The following IMPG2 variants were observed in gnomAD, a reference collection of about 807,000 sequenced individuals.
IMPG2 encodes the protein IPM 200.
A neutral mutation model predicts 129.2 loss-of-function variants in IMPG2; 91 were observed. The observed-to-expected ratio is 0.70, with a 90% CI of 0.59 to 0.84. The LOEUF (loss-of-function observed/expected upper bound fraction) is 0.84. Ranked by LOEUF, IMPG2 falls within the 40% of genes least tolerant of loss-of-function variation. The probability of loss-of-function intolerance (pLI) is 0.00; values close to 1 mark genes in which losing one functional copy is unlikely to be tolerated. For synonymous variants in IMPG2, 510 were observed against 517.7 expected, an observed-to-expected ratio of 0.99 and a Z score of 0.20; for missense variants, 1,430 against 1,461.7, an observed-to-expected ratio of 0.98 and a Z score of 0.35.
intron 8 of IMPG2, among the ~76,000 whole-genome samples, chr3:101,268,764 C>T (rs1706747813): frequency 6.6e-6 from 1 of 152,150 alleles, no homozygotes; most frequent in African/African-American, 2.4e-5. Context: ...TCACCTAAAT[C>T]ATGGCATTGA....
At chr3:101,242,963 C>T (rs1706427130) in intron 13 of IMPG2, 56 bp from the exon 14 acceptor site, 1 of 1,402,554 alleles carries the variant, frequency 7.1e-7, no homozygotes, top group Non-Finnish European at 1.0e-6. Context: ...TTGTTCAATA[C>T]ATACCCAAAC....
At chr3:101,277,955 T>G (rs1706855610) in intron 4 of IMPG2, among the ~76,000 whole-genome samples, 1 of 152,156 alleles carries the variant, frequency 6.6e-6, no homozygotes, top group Admixed American at 6.6e-5. Context: ...TCTCTTCAAG[T>G]TGGGCACAGT....
intron 4 of IMPG2, among the ~76,000 whole-genome samples, chr3:101,284,721 C>T (rs1706927515): frequency 6.6e-6 from 1 of 152,178 alleles, no homozygotes; most frequent in African/African-American, 2.4e-5. Context: ...GCTGTGCACA[C>T]AGGATTTCAA....
intron 12 of IMPG2, among the ~76,000 whole-genome samples, chr3:101,245,040 GT>G (rs201778066): frequency 0.024 from 3,543 of 146,352 alleles, 103 homozygotes; most frequent in African/African-American, 0.075. Context: ...TCAAACACTT[GT>G]TTTTTTTTTT....
At chr3:101,266,853 G>A (rs62282873) in intron 9 of IMPG2, among the ~76,000 whole-genome samples, 19,493 of 152,094 alleles carry the variant, frequency 0.13, 1,307 homozygotes, top group Middle Eastern at 0.17. Flanking sequence ...ATTTCTGGAG[G>A]TTAAGCTGGC....
At chr3:101,299,976 C>T (rs1275126172) in intron 3 of IMPG2, among the ~76,000 whole-genome samples, 2 of 152,220 alleles carry the variant, frequency 1.3e-5, no homozygotes, top group Non-Finnish European at 2.9e-5. Flanking sequence ...TCTGGGTTGC[C>T]TAGATTCCTC....
intron 8 of IMPG2, among the ~76,000 whole-genome samples, chr3:101,268,499 T>TAA (rs1706744892): frequency 6.6e-6 from 1 of 152,216 alleles, no homozygotes; most frequent in Non-Finnish European, 1.5e-5. Context: ...ACTAACTAGC[T>TAA]AAACAACACT....
intron 2 of IMPG2, 106 bp from the exon 3 acceptor site, chr3:101,304,418 T>C (rs1307351508): frequency 1.0e-6 from 1 of 994,750 alleles, no homozygotes; most frequent in East Asian, 2.5e-5. Flanking sequence ...TGAAGTGTCC[T>C]TTCTGGAGGG....
chr3:101,267,692 C>A (rs1706734874), intron 8 of IMPG2, among the ~76,000 whole-genome samples, 161 bp from the exon 9 acceptor site: 1 of 151,970 alleles, frequency 6.6e-6, no homozygotes, highest in South Asian at 2.1e-4. Flanking sequence ...AGGAAGTGAG[C>A]AAAGGTGAAA....
chr3:101,306,536 C>T (rs1020658904), intron 2 of IMPG2, among the ~76,000 whole-genome samples: 6 of 151,892 alleles, frequency 4.0e-5, no homozygotes, highest in Non-Finnish European at 8.8e-5. Context: ...CTTAAAACTT[C>T]GAAATGAAAA....
Position 101,243,562 on chromosome 3 carries a change from C to G in IMPG2, c.2769G>C (p.Glu923Asp). The change falls in exon 13 of 19, where the codon GAG becomes GAC. Residue 923 changes from glutamate to aspartate, a missense_variant. Physicochemically the swap from Glu to Asp is conservative, Grantham distance 45. Coordinates refer to ENST00000193391, the MANE Select transcript of IMPG2 (RefSeq NM_016247.4). ...AGAATCTTTGCTCCAGGGCTTTATA[C>G]TCCAAGGAGTTTTTATTAAACAGAT... ...SEDLFNKNSL[E>D]YKALEQRFLE... The G allele has an allele frequency of 6.2e-7, 1 of 1,613,822 alleles. No individual in the cohort carries two copies. Among genetic ancestry groups the G allele is most frequent in the Non-Finnish European group, 8.5e-7 (1 of 1,179,888 alleles).
chr3:101,248,332 C>T (rs1429333429), intron 11 of IMPG2, among the ~76,000 whole-genome samples: 10 of 152,192 alleles, frequency 6.6e-5, no homozygotes, highest in Non-Finnish European at 1.5e-4. Context: ...CCATGTGACA[C>T]GTGCCTTTCA....
At position 101,231,126 on chromosome 3, in the gene IMPG2, A is replaced by T. The variant is rs200306665; in HGVS notation, c.3253T>A (p.Trp1085Arg). The T allele has an allele frequency of 6.2e-7, 1 of 1,614,118 alleles. No homozygotes were observed. The highest frequency in any genetic ancestry group is 8.5e-7 in the Non-Finnish European group (1 of 1,180,000). ...TCACAGTGCTTGCCTCGGTACCACCAGTTCTCACCCACCCGGCACCTGCAA... is the reference window on the plus strand; with the variant it reads ...TCACAGTGCTTGCCTCGGTACCACCTGTTCTCACCCACCCGGCACCTGCAA... ...AICRCRVGEN[W>R]WYRGKHCEEF... Residue 1085 changes from tryptophan to arginine, a missense_variant, in exon 16 of 19, where the codon TGG becomes AGG. Physicochemically the swap from Trp to Arg is moderately radical, Grantham distance 101 (BLOSUM62 -3). Transcript: ENST00000193391.
chr3:101,320,425 C>A lies in IMPG2; in HGVS notation c.-53G>T. The A allele has an allele frequency of 9.0e-7, 1 of 1,106,880 alleles. No individual in the cohort carries two copies. Among genetic ancestry groups the A allele is most frequent in the South Asian group, 1.3e-5 (1 of 78,816 alleles). The allele number at this position is 1,106,880 out of a possible 1,614,324, so 68.6% of individuals were successfully genotyped here. On this transcript the variant is annotated 5_prime_UTR_variant, in exon 1 of 19. Coordinates refer to ENST00000193391, the MANE Select transcript of IMPG2 (RefSeq NM_016247.4). ...AGGACAGAATCCTTAATTGAGTGTC[C>A]AAATCCTTGAAACTTCCAATAACAA...
Position 101,229,458 on chromosome 3 carries a change from A to G in IMPG2, c.3555T>C (p.Ser1185=), listed in dbSNP as rs1193361975. Residue 1185 remains serine, a synonymous_variant, in exon 17 of 19, where the codon TCT becomes TCC. Transcript: ENST00000193391. Reference sequence around the variant, plus strand: ...GCCCACCAATCACGTCTCCGCTAGCAGAGCTGTAGAAGGGATGCTGAGGAT... The same window carrying G: ...GCCCACCAATCACGTCTCCGCTAGCGGAGCTGTAGAAGGGATGCTGAGGAT... ...GPYPQHPFYS[S]ASGDVIGGLS... The G allele has an allele frequency of 2.5e-6, 4 of 1,613,294 alleles. No homozygotes were observed. The East Asian group carries it at 8.9e-5, about 36-fold the overall frequency.
intron 14 of IMPG2, among the ~76,000 whole-genome samples, chr3:101,236,160 C>T (rs556628928): frequency 4.9e-4 from 75 of 152,188 alleles, no homozygotes; most frequent in Non-Finnish European, 1.6e-4. Context: ...TCAAGACTCC[C>T]GTGAGACTGA....
chr3:101,279,818 A>C (rs975583170), intron 4 of IMPG2, among the ~76,000 whole-genome samples: 1 of 152,346 alleles, frequency 6.6e-6, no homozygotes, highest in Middle Eastern at 3.4e-3. Flanking sequence ...TTATTTTAAT[A>C]GTGATAAGTA....
intron 10 of IMPG2, among the ~76,000 whole-genome samples, chr3:101,256,501 A>G (rs1397693505): frequency 6.6e-6 from 1 of 151,942 alleles, no homozygotes; most frequent in South Asian, 2.1e-4. Context: ...TAAATCTACT[A>G]TTCTCTTTCA....
chr3:101,307,143 T>C (rs1030323506), intron 2 of IMPG2, among the ~76,000 whole-genome samples: 2 of 152,176 alleles, frequency 1.3e-5, no homozygotes, highest in African/African-American at 4.8e-5. Context: ...TGAAAAACTG[T>C]TCACCATCAT....
Sources: allele counts gnomAD v4.1 joint callset (sites outside exome capture counted in the v4.1 genomes callset), GRCh38; gene constraint gnomAD v4.1.1; transcripts MANE v1.5; gene names NCBI Gene and HGNC (gene_info 2026-07-23, HGNC 2026-07-21).